The following RYR2 variants were observed in gnomAD, a reference collection of about 807,000 sequenced individuals.
RYR2 encodes the protein ryanodine receptor 2.
Under a neutral mutation model 601.1 loss-of-function variants are expected in RYR2, and 227 were observed. The ratio of observed to expected loss-of-function variants is 0.38; its 90% confidence interval spans 0.34 to 0.42. The LOEUF (loss-of-function observed/expected upper bound fraction) is 0.42. RYR2 is among the 10% of genes least tolerant of loss of function. The pLI, the probability that RYR2 is intolerant of heterozygous loss-of-function variation, is 1.00. For synonymous variants in RYR2, 2,223 were observed against 2,175.1 expected, an observed-to-expected ratio of 1.02 and a Z score of -0.61; for missense variants, 4,646 against 6,156.5, an observed-to-expected ratio of 0.75 and a Z score of 8.21.
intron 1 of RYR2, among the ~76,000 whole-genome samples, chr1:237,083,509 T>G (rs1169106298): frequency 1.3e-5 from 2 of 152,134 alleles, no homozygotes; most frequent in African/African-American, 4.8e-5. Flanking sequence ...CAGTCATCTC[T>G]CCTCTCTGCT....
chr1:237,196,912 C>T (rs1680637107), intron 1 of RYR2, among the ~76,000 whole-genome samples: 1 of 152,068 alleles, frequency 6.6e-6, no homozygotes, highest in Non-Finnish European at 1.5e-5. Context: ...TGGTATAGCT[C>T]TACATTTATT....
chr1:237,637,243 A>G (rs576046001), intron 44 of RYR2, among the ~76,000 whole-genome samples: 1 of 152,286 alleles, frequency 6.6e-6, no homozygotes, highest in Non-Finnish European at 1.5e-5. Context: ...TATATTTGAA[A>G]CTGATTTAAC....
chr1:237,120,125 C>T (rs1245756826), intron 1 of RYR2, among the ~76,000 whole-genome samples: 1 of 152,116 alleles, frequency 6.6e-6, no homozygotes, highest in East Asian at 1.9e-4. Context: ...TTGTCAGCTT[C>T]CTGACCCTCA....
chr1:237,395,288 G>T (rs527379817), intron 10 of RYR2, among the ~76,000 whole-genome samples: 1 of 152,268 alleles, frequency 6.6e-6, no homozygotes, highest in East Asian at 1.9e-4. Context: ...CCAAGTCTTT[G>T]TTGACCTTTG....
Position 237,806,144 on chromosome 1 carries a change from T to A in RYR2, c.14159T>A (p.Leu4720His). ...LGVVFTDNSF[L>H]YLAWYMTMSV... ...CCCGTTTTGTCTTAATAGTCCTTCC[T>A]CTACCTAGCCTGGTATATGACTATG... The change falls in exon 99 of 105, where the codon CTC becomes CAC. Residue 4720 changes from leucine (L) to histidine (H), a missense_variant. Physicochemically the swap from Leu to His is moderately conservative, Grantham distance 99 (BLOSUM62 -3). Around this residue, in one of 17 missense-constraint regions of RYR2, gnomAD observed 76 missense variants for 97.4 expected, o/e 0.78. Coordinates refer to ENST00000366574, the MANE Select transcript of RYR2 (RefSeq NM_001035.3). 1 of 1,613,650 alleles carries A rather than the reference T, an allele frequency of 6.2e-7. No homozygotes were observed. Among genetic ancestry groups the A allele is most frequent in the East Asian group, 2.2e-5 (1 of 44,864 alleles).
chr1:237,053,004 A>G (rs1323617604), intron 1 of RYR2, among the ~76,000 whole-genome samples: 2 of 152,088 alleles, frequency 1.3e-5, no homozygotes, highest in East Asian at 3.9e-4. Context: ...GCCCGCCACC[A>G]TGCCAAGCTA....
intron 1 of RYR2, among the ~76,000 whole-genome samples, chr1:237,256,096 G>A (rs1365661244): frequency 2.0e-5 from 3 of 152,074 alleles, no homozygotes; most frequent in Non-Finnish European, 4.4e-5. Flanking sequence ...GACTCAGTGG[G>A]AGATAATTGA....
intron 1 of RYR2, among the ~76,000 whole-genome samples, chr1:237,100,350 C>A (rs1667945367): frequency 6.6e-6 from 1 of 151,828 alleles, no homozygotes; most frequent in South Asian, 2.1e-4. Flanking sequence ...TCTCTCTTCT[C>A]TCTTCTTCTT....
intron 56 of RYR2, among the ~76,000 whole-genome samples, chr1:237,661,972 T>C (rs1683844477): frequency 6.6e-6 from 1 of 152,114 alleles, no homozygotes; most frequent in African/African-American, 2.4e-5. Context: ...GCTAAATCTG[T>C]CATTATTCTT....
At chr1:237,280,157 A>G (rs1690713205) in intron 2 of RYR2, among the ~76,000 whole-genome samples, 2 of 152,240 alleles carry the variant, frequency 1.3e-5, no homozygotes, top group African/African-American at 4.8e-5. Context: ...TTAATGATGC[A>G]TAATAGTTGT....
intron 2 of RYR2, among the ~76,000 whole-genome samples, chr1:237,279,306 CA>C (rs1690612128): frequency 6.6e-6 from 1 of 152,148 alleles, no homozygotes; most frequent in Non-Finnish European, 1.5e-5. Context: ...ATGGTTAACA[CA>C]AATCATTTTA....
At chr1:237,615,477 C>T (rs1409827380) in intron 37 of RYR2, among the ~76,000 whole-genome samples, 3 of 152,178 alleles carry the variant, frequency 2.0e-5, no homozygotes, top group South Asian at 4.1e-4. Flanking sequence ...CAAGTGTAAG[C>T]CACTGCACCC....
At chr1:237,510,148 C>A (rs1665739313) in intron 23 of RYR2, among the ~76,000 whole-genome samples, 1 of 152,100 alleles carries the variant, frequency 6.6e-6, no homozygotes, top group Non-Finnish European at 1.5e-5. Context: ...AGCCTGGAGG[C>A]AGGAAGAGAG....
chr1:237,347,913 C>T (rs1478399535), intron 3 of RYR2, among the ~76,000 whole-genome samples: 4 of 152,114 alleles, frequency 2.6e-5, no homozygotes, highest in Non-Finnish European at 5.9e-5. Context: ...ACCTAAATCC[C>T]AGCAGTAAGA....
chr1:237,285,665 G>T lies in RYR2; in HGVS notation c.168+15049G>T, dbSNP rs757712406. 1.1e-3 allele frequency among the ~76,000 whole-genome samples: 170 copies of T among 152,028 alleles called. 1 individual carries two copies. Among genetic ancestry groups the T allele is most frequent in the Non-Finnish European group, 1.4e-3 (93 of 67,968 alleles). On this transcript the variant is annotated intron_variant, in intron 2 of 104. Coordinates refer to ENST00000366574, the MANE Select transcript of RYR2 (RefSeq NM_001035.3). ...AATCTGTCTGGTCCTGGACATTTTT[G>T]TTGTTGGTAATTTTTAAATTACCAT... is the stretch of plus-strand genomic sequence containing the variant.
chr1:237,800,200 A>C (rs1285574251), intron 97 of RYR2: 1 of 152,244 alleles, frequency 6.6e-6, no homozygotes, highest in African/African-American at 2.4e-5. Context: ...TAGGAAATTC[A>C]TACATCCTGA....
chr1:237,284,418 C>T (rs956735603), intron 2 of RYR2, among the ~76,000 whole-genome samples: 5 of 132,676 alleles, frequency 3.8e-5, no homozygotes, highest in African/African-American at 1.2e-4. Flanking sequence ...TCATCCAGGT[C>T]ACTGCAAATG....
chr1:237,121,997 G>T (rs1018653027), intron 1 of RYR2, among the ~76,000 whole-genome samples: 2 of 152,194 alleles, frequency 1.3e-5, no homozygotes, highest in Non-Finnish European at 2.9e-5. Context: ...TTGGTGATTT[G>T]AGAGTAGAGG....
intron 1 of RYR2, among the ~76,000 whole-genome samples, chr1:237,172,663 T>G (rs1287269454): frequency 6.6e-6 from 1 of 152,228 alleles, no homozygotes; most frequent in Admixed American, 6.5e-5. Flanking sequence ...TGTAGGTTGT[T>G]TCTGGCAAAA....
Sources: gnomAD v4.1 joint callset for allele counts (sites outside exome capture counted in the v4.1 genomes callset) on GRCh38, gnomAD v4.1.1 for gene constraint, gnomAD v4.1.1 regional missense constraint, MANE v1.5 for transcripts, NCBI Gene and HGNC (gene_info 2026-07-23, HGNC 2026-07-21) for gene names.